ZBTB37: variants seen among roughly 807,000 people sequenced by gnomAD.
ZBTB37 encodes zinc finger and BTB domain-containing protein 37.
A neutral mutation model predicts 37.7 loss-of-function variants in ZBTB37; 15 were observed. The observed-to-expected ratio is 0.40, with a 90% confidence interval of 0.27 to 0.61. The LOEUF (loss-of-function observed/expected upper bound fraction) is 0.61. Ranked by LOEUF, ZBTB37 falls within the 20% of genes least tolerant of loss-of-function variation. ZBTB37 has a pLI of 0.44. For missense variants in ZBTB37, 514 were observed against 641.9 expected (o/e 0.80, Z 2.15); for synonymous variants, 231 against 220.6 (o/e 1.05, Z -0.42).
At chr1:173,890,624 G>A (rs972310460), downstream of ZBTB37, 14 of 152,260 alleles carry the variant, frequency 9.2e-5, no homozygotes, top group Non-Finnish European at 1.8e-4. Flanking sequence ...CAATTGTCGG[G>A]CAAATCCCTA....
At chr1:173,889,552 A>T (rs765847951), downstream of ZBTB37, 1 of 152,250 alleles carries the variant, frequency 6.6e-6, no homozygotes, top group Non-Finnish European at 1.5e-5. Flanking sequence ...AGACGGAAGT[A>T]TATTAATCTA....
At chr1:173,872,968 C>T (rs549516391) in intron 3 of ZBTB37, among the ~76,000 whole-genome samples, 1 of 150,842 alleles carries the variant, frequency 6.6e-6, no homozygotes, top group African/African-American at 2.4e-5. Context: ...GATCACGCCA[C>T]TGTACTCCAG....
At chr1:173,881,768 TGTTC>T (rs1656321969) in intron 4 of ZBTB37, among the ~76,000 whole-genome samples, 1 of 152,136 alleles carries the variant, frequency 6.6e-6, no homozygotes, top group South Asian at 2.1e-4. Context: ...GAGAAGTGTC[TGTTC>T]GGCCGGGCGT....
intron 3 of ZBTB37, 57 bp from the exon 4 acceptor site, chr1:173,873,410 T>C: frequency 6.7e-7 from 1 of 1,503,546 alleles, no homozygotes; most frequent in Non-Finnish European, 8.9e-7. Flanking sequence ...ATCACCATTT[T>C]TCAGGTTCTT....
intron 2 of ZBTB37, 78 bp downstream of exon 2, chr1:173,869,198 A>C (rs1655313293): frequency 6.6e-6 from 1 of 152,364 alleles, no homozygotes; most frequent in Admixed American, 6.5e-5. Flanking sequence ...AATGCGGGGC[A>C]GTACTGTGAG....
intron 3 of ZBTB37, among the ~76,000 whole-genome samples, chr1:173,872,728 C>T (rs1184676315): frequency 2.0e-5 from 3 of 152,152 alleles, no homozygotes; most frequent in Non-Finnish European, 4.4e-5. Context: ...AATATCAGGG[C>T]CAGGTGTGGT....
exon 4 of ZBTB37, chr1:173,896,842 G>T (rs891455596): frequency 1.3e-5 from 2 of 152,118 alleles, no homozygotes; most frequent in African/African-American, 4.8e-5. Context: ...GCAGTGCAGG[G>T]AACAAAGCTT....
At chr1:173,886,053 C>T (rs1195853715) in exon 5 of ZBTB37, 1 of 1,551,728 alleles carries the variant, frequency 6.4e-7, no homozygotes, top group South Asian at 1.2e-5. Flanking sequence ...GGAAGAGTCA[C>T]CTTCACAGGA....
At chr1:173,868,599 C>T (rs1000247329) in intron 1 of ZBTB37, among the ~76,000 whole-genome samples, 194 bp downstream of exon 1, 1 of 152,218 alleles carries the variant, frequency 6.6e-6, no homozygotes, top group Non-Finnish European at 1.5e-5. Context: ...GACCCGCCCC[C>T]TCGCGGGGCC....
chr1:173,870,206 A>G lies in ZBTB37; in HGVS notation c.-20A>G, dbSNP rs372418621. On this transcript the variant is annotated 5_prime_UTR_variant, in exon 3 of 5. It removes an upstream start codon present in the reference 5' UTR. Transcript: ENST00000427304. ...TGGTTTCTTTTTTCAGCAGGGTTGAATGCACCCTCAGGCACGACCATGGAG... is the reference window on the plus strand; with the variant it reads ...TGGTTTCTTTTTTCAGCAGGGTTGAGTGCACCCTCAGGCACGACCATGGAG... 99 of 1,581,562 alleles carry G rather than the reference A, an allele frequency of 6.3e-5. No homozygotes were observed. Among genetic ancestry groups the G allele is most frequent in the Non-Finnish European group, 8.2e-5 (95 of 1,162,238 alleles).
chr1:173,888,929 A>G (rs892084853), downstream of ZBTB37: 21 of 152,316 alleles, frequency 1.4e-4, no homozygotes, highest in East Asian at 1.5e-3. Flanking sequence ...TGGAAATGCT[A>G]TGAATGTTTG....
intron 4 of ZBTB37, among the ~76,000 whole-genome samples, chr1:173,878,035 A>G (rs147954979): frequency 6.6e-6 from 1 of 152,160 alleles, no homozygotes; most frequent in Non-Finnish European, 1.5e-5. Flanking sequence ...ATCAGCATTC[A>G]CTGTCTCAAA....
At chr1:173,878,442 A>G (rs770197496) in intron 4 of ZBTB37, among the ~76,000 whole-genome samples, 1 of 152,172 alleles carries the variant, frequency 6.6e-6, no homozygotes, top group Non-Finnish European at 1.5e-5. Flanking sequence ...AAGGAAGGGG[A>G]AAGAGTCAGC....
chr1:173,882,114 A>AT lies in ZBTB37; in HGVS notation c.1024-3516dup, dbSNP rs570428910. 9.0e-3 allele frequency among the ~76,000 whole-genome samples: 1,347 copies of AT among 149,246 alleles called. 16 individuals carry two copies. Among genetic ancestry groups the AT allele is most frequent in the African/African-American group, 0.032 (1,291 of 40,574 alleles). Reference sequence around the variant, plus strand: ...GCCCACTTTTTGCTGGGGTTGTTTGATTTTTTCTTGTAAATTTGTTTAAGT... The same window carrying AT: ...GCCCACTTTTTGCTGGGGTTGTTTGATTTTTTTCTTGTAAATTTGTTTAAGT... On this transcript the variant is annotated intron_variant, in intron 4 of 4. Transcript: ENST00000427304.
At chr1:173,871,077 A>G in exon 3 of ZBTB37, 2 of 1,614,130 alleles carry the variant, frequency 1.2e-6, no homozygotes, top group Non-Finnish European at 1.7e-6. Context: ...ATGGTTCTGT[A>G]GGACAGGAAA....
chr1:173,870,663 A>C, exon 3 of ZBTB37: 3 of 1,614,218 alleles, frequency 1.9e-6, no homozygotes, highest in Non-Finnish European at 2.5e-6. Context: ...CAAAGCATCA[A>C]GAGAGACCTC....
At chr1:173,877,314 AG>A (rs1164647189) in intron 4 of ZBTB37, among the ~76,000 whole-genome samples, 2 of 152,048 alleles carry the variant, frequency 1.3e-5, no homozygotes, top group Non-Finnish European at 2.9e-5. Flanking sequence ...ATTGTTTAAA[AG>A]GCAATGGAAT....
chr1:173,871,025 G>C, exon 3 of ZBTB37: 1 of 1,614,230 alleles, frequency 6.2e-7, no homozygotes, highest in Non-Finnish European at 8.5e-7. Context: ...GATGGGAGTA[G>C]TGCAGAGGAA....
exon 4 of ZBTB37, chr1:173,892,197 A>G (rs1196517966): frequency 2.0e-5 from 3 of 152,206 alleles, no homozygotes; most frequent in Non-Finnish European, 4.4e-5. Flanking sequence ...GACTTGTGAA[A>G]GAAATTGGAT....
Sources: gnomAD v4.1 joint callset for allele counts (sites outside exome capture counted in the v4.1 genomes callset) on GRCh38, gnomAD v4.1.1 for gene constraint, MANE v1.5 for transcripts, NCBI Gene and HGNC (gene_info 2026-07-23, HGNC 2026-07-21) for gene names.